AUTS2: variants seen among roughly 807,000 people sequenced by gnomAD.
AUTS2 encodes activator of transcription and developmental regulator AUTS2.
A neutral mutation model predicts 112.4 loss-of-function variants in AUTS2; 17 were observed. The ratio of observed to expected loss-of-function variants is 0.15; its 90% CI spans 0.10 to 0.23. The LOEUF (loss-of-function observed/expected upper bound fraction) is 0.23. Among genes scored for constraint, AUTS2 ranks in the 10% least tolerant of loss-of-function variants. AUTS2 has a pLI of 1.00. For missense variants in AUTS2, 1,510 were observed against 1,701.6 expected, an observed-to-expected ratio of 0.89 and a Z score of 1.98; for synonymous variants, 751 against 702.7, an observed-to-expected ratio of 1.07 and a Z score of -1.09.
chr7:70,764,676 G>A, intron 7 of AUTS2, 76 bp from the exon 8 acceptor site: 2 of 686,178 alleles, frequency 2.9e-6, no homozygotes, highest in Non-Finnish European at 2.7e-6. Context: ...GGGGAAGGAG[G>A]TAGGATTCTT....
chr7:70,078,542 T>A (rs1187045997), intron 2 of AUTS2, among the ~76,000 whole-genome samples: 1 of 152,232 alleles, frequency 6.6e-6, no homozygotes, highest in Non-Finnish European at 1.5e-5. Flanking sequence ...ATTTTCTTTC[T>A]CTTTTGTACC....
intron 8 of AUTS2, among the ~76,000 whole-genome samples, chr7:70,765,665 A>T (rs1789892327): frequency 1.3e-5 from 2 of 152,312 alleles, no homozygotes; most frequent in Non-Finnish European, 2.9e-5. Flanking sequence ...GCTGACATTT[A>T]TTAGTGTGCT....
chr7:69,837,526 T>C (rs981478013), intron 1 of AUTS2, among the ~76,000 whole-genome samples: 3 of 152,100 alleles, frequency 2.0e-5, no homozygotes, highest in Admixed American at 2.0e-4. Flanking sequence ...GAGAGGAGTC[T>C]ACAATTGCCT....
chr7:70,520,971 C>G (rs1233732551), intron 5 of AUTS2, among the ~76,000 whole-genome samples: 1 of 152,134 alleles, frequency 6.6e-6, no homozygotes, highest in Non-Finnish European at 1.5e-5. Flanking sequence ...GATGTCCTTG[C>G]ATTGGTTCAT....
chr7:70,611,948 G>A (rs934431564), intron 5 of AUTS2, among the ~76,000 whole-genome samples: 6 of 152,118 alleles, frequency 3.9e-5, no homozygotes, highest in African/African-American at 1.4e-4. Flanking sequence ...CTACAAAGGG[G>A]GCCTTAGAAA....
chr7:70,622,428 C>T (rs149050186), intron 5 of AUTS2, among the ~76,000 whole-genome samples: 1 of 152,158 alleles, frequency 6.6e-6, no homozygotes, highest in African/African-American at 2.4e-5. Flanking sequence ...CGGTGTTCAG[C>T]CAGGTTCCAT....
At position 70,781,621 on chromosome 7, in the gene AUTS2, A is replaced by T; in HGVS notation, c.2011A>T (p.Met671Leu). Residue 671 changes from methionine to leucine, a missense_variant, in exon 15 of 19, where the codon ATG becomes TTG. This residue lies in a region of AUTS2 where 187 missense variants were observed against 309.7 expected (regional missense o/e 0.60). Transcript: ENST00000342771. ...YHHQQKVKKQ[M>L]QSDPHKLDFG... ...TGTTCCCCTTGCTGTGTAGAAACAG[A>T]TGCAGTCAGACCCACATAAGCTGGA... The T allele has an allele frequency of 2.5e-6, 4 of 1,614,032 alleles. No individual in the cohort carries two copies. Among genetic ancestry groups the T allele is most frequent in the Non-Finnish European group, 3.4e-6 (4 of 1,179,992 alleles).
chr7:70,058,954 T>C (rs575289674), intron 2 of AUTS2, among the ~76,000 whole-genome samples: 1 of 152,326 alleles, frequency 6.6e-6, no homozygotes, highest in East Asian at 1.9e-4. Context: ...CATCCCTGAC[T>C]ATAAGCTTCA....
chr7:70,137,159 A>G (rs1806609320), intron 4 of AUTS2, among the ~76,000 whole-genome samples: 1 of 152,216 alleles, frequency 6.6e-6, no homozygotes, highest in South Asian at 2.1e-4. Context: ...ATCCGTTTAG[A>G]AGCAGAAGAT....
chr7:69,638,929 T>C (rs565365022), intron 1 of AUTS2, among the ~76,000 whole-genome samples: 1 of 152,372 alleles, frequency 6.6e-6, no homozygotes, highest in Admixed American at 6.5e-5. Flanking sequence ...AGCTTTTGCA[T>C]ACAGTGTTTG....
At chr7:70,730,276 C>T (rs1333964384) in intron 6 of AUTS2, among the ~76,000 whole-genome samples, 1 of 151,954 alleles carries the variant, frequency 6.6e-6, no homozygotes, top group Non-Finnish European at 1.5e-5. Flanking sequence ...CTTCACAGAC[C>T]ATGAAATTCA....
At chr7:70,297,892 T>C (rs1789019005) in intron 4 of AUTS2, among the ~76,000 whole-genome samples, 2 of 152,264 alleles carry the variant, frequency 1.3e-5, no homozygotes, top group South Asian at 2.1e-4. Context: ...TACAAACTGA[T>C]TGAAGTGAAA....
At chr7:70,366,240 A>T (rs532441480) in intron 4 of AUTS2, among the ~76,000 whole-genome samples, 1 of 152,330 alleles carries the variant, frequency 6.6e-6, no homozygotes, top group East Asian at 1.9e-4. Flanking sequence ...TTAGAGACAG[A>T]TCCATAAGCA....
intron 6 of AUTS2, among the ~76,000 whole-genome samples, chr7:70,729,867 TA>T (rs1787266073): frequency 6.6e-6 from 1 of 151,562 alleles, no homozygotes; most frequent in African/African-American, 2.4e-5. Context: ...TGTATGTATG[TA>T]TGTATGTATG....
At chr7:70,379,026 G>T (rs1354027394) in intron 4 of AUTS2, among the ~76,000 whole-genome samples, 1 of 152,070 alleles carries the variant, frequency 6.6e-6, no homozygotes, top group African/African-American at 2.4e-5. Context: ...GACTAGCACT[G>T]CTGTTATGAA....
intron 2 of AUTS2, among the ~76,000 whole-genome samples, chr7:69,952,473 A>T (rs1797064722): frequency 6.6e-6 from 1 of 152,212 alleles, no homozygotes; most frequent in Non-Finnish European, 1.5e-5. Context: ...TTATAAGCTA[A>T]TATGCAGGAT....
intron 4 of AUTS2, among the ~76,000 whole-genome samples, chr7:70,350,782 A>G (rs1338254131): frequency 1.3e-5 from 2 of 152,164 alleles, no homozygotes; most frequent in African/African-American, 4.8e-5. Flanking sequence ...TTTTCAGTCT[A>G]CAATATTATT....
At chr7:69,952,931 G>T (rs1437330489) in intron 2 of AUTS2, among the ~76,000 whole-genome samples, 1 of 152,076 alleles carries the variant, frequency 6.6e-6, no homozygotes, top group Non-Finnish European at 1.5e-5. Context: ...GCTATGGAGG[G>T]CACTTTGGAC....
intron 4 of AUTS2, among the ~76,000 whole-genome samples, chr7:70,203,153 A>G (rs1810378677): frequency 7.7e-6 from 1 of 129,318 alleles, no homozygotes; most frequent in Non-Finnish European, 1.6e-5. Context: ...ATGAGATCAC[A>G]TGGACACAGG....
Sources: gnomAD v4.1 joint callset for allele counts (sites outside exome capture counted in the v4.1 genomes callset) on GRCh38, gnomAD v4.1.1 for gene constraint, gnomAD v4.1.1 regional missense constraint, MANE v1.5 for transcripts, NCBI Gene and HGNC (gene_info 2026-07-23, HGNC 2026-07-21) for gene names.